Variants in NEDD4L observed in about 807,000 individuals in gnomAD.
The protein encoded by NEDD4L is NEDD4 like E3 ubiquitin protein ligase.
In NEDD4L, 54 loss-of-function variants were observed where a neutral mutation model predicts 148.9. The ratio of observed to expected loss-of-function variants is 0.36; its 90% CI spans 0.29 to 0.45. NEDD4L has a LOEUF of 0.45. Ranked by LOEUF, NEDD4L falls within the 20% of genes least tolerant of loss-of-function variation. The pLI is 1.00. For missense variants in NEDD4L, 856 were observed against 1,233.8 expected (o/e 0.69, Z 4.59); for synonymous variants, 433 against 440.7 (o/e 0.98, Z 0.22).
chr18:58,268,994 G>C (rs373512598), intron 5 of NEDD4L, among the ~76,000 whole-genome samples: 5 of 152,178 alleles, frequency 3.3e-5, no homozygotes, highest in African/African-American at 1.2e-4. Context: ...CCTCAGGCCT[G>C]AAAGTCTGGT....
intron 2 of NEDD4L, among the ~76,000 whole-genome samples, chr18:58,205,745 A>AC (rs1491588837): frequency 9.3e-4 from 142 of 152,110 alleles, no homozygotes; most frequent in African/African-American, 3.3e-3. Flanking sequence ...AAAAAAAAAA[A>AC]ACTCCCAAAC....
intron 5 of NEDD4L, among the ~76,000 whole-genome samples, chr18:58,291,475 G>A (rs915169427): frequency 3.9e-4 from 60 of 152,162 alleles, no homozygotes; most frequent in African/African-American, 1.3e-3. Flanking sequence ...TAGCACCATT[G>A]GTTCAGTTTT....
At position 58,391,551 on chromosome 18, in the gene NEDD4L, T is replaced by G. The variant is rs1260209089; in HGVS notation, c.2817T>G (p.Ala939=). Reference sequence around the variant, plus strand: ...GCAGTCCTGAGAAACTGCCCAGAGCTCACACATGGTGAGTGACAAAAACAC... The same window carrying G: ...GCAGTCCTGAGAAACTGCCCAGAGCGCACACATGGTGAGTGACAAAAACAC... ...QWGSPEKLPR[A]HTCFNRLDLP... is the part of the protein sequence containing the mutation. Residue 939 remains alanine, a synonymous_variant, in exon 30 of 31, where the codon GCT becomes GCG. Coordinates refer to ENST00000400345, the MANE Select transcript of NEDD4L (RefSeq NM_001144967.3). 7 of 1,569,878 alleles carry G rather than the reference T, an allele frequency of 4.5e-6. No individual in the cohort carries two copies. Among genetic ancestry groups the G allele is most frequent in the African/African-American group, 1.4e-5 (1 of 73,978 alleles).
At chr18:58,127,510 C>T (rs1306209048) in intron 1 of NEDD4L, among the ~76,000 whole-genome samples, 2 of 151,626 alleles carry the variant, frequency 1.3e-5, no homozygotes, top group African/African-American at 4.8e-5. Context: ...TTGGGACCAG[C>T]CTGGGCAACA....
intron 1 of NEDD4L, among the ~76,000 whole-genome samples, chr18:58,080,418 G>A (rs975210146): frequency 1.8e-4 from 28 of 152,180 alleles, no homozygotes; most frequent in African/African-American, 6.5e-4. Context: ...GGTTTGATAT[G>A]GGCAGTAAAG....
intron 24 of NEDD4L, 33 bp downstream of exon 24, chr18:58,373,302 A>C: frequency 7.8e-7 from 1 of 1,286,668 alleles, no homozygotes; most frequent in South Asian, 1.3e-5. Context: ...ACTCTTCTTT[A>C]GCTTTCAAGG....
At chr18:58,097,569 A>G (rs2145426487) in intron 1 of NEDD4L, among the ~76,000 whole-genome samples, 1 of 152,318 alleles carries the variant, frequency 6.6e-6, no homozygotes, top group South Asian at 2.1e-4. Flanking sequence ...CAGAGAGTAT[A>G]TCATGCCTTA....
At chr18:58,211,782 C>T (rs1272227919) in intron 2 of NEDD4L, among the ~76,000 whole-genome samples, 3 of 152,096 alleles carry the variant, frequency 2.0e-5, no homozygotes, top group Non-Finnish European at 4.4e-5. Flanking sequence ...GGTATTGATC[C>T]AGAATTACAT....
intron 4 of NEDD4L, among the ~76,000 whole-genome samples, chr18:58,250,949 GC>G (rs1443079284): frequency 6.6e-6 from 1 of 152,156 alleles, no homozygotes. Flanking sequence ...GGAAAAGGAA[GC>G]AAAAAGATAT....
At chr18:58,327,631 G>T (rs928019229) in intron 9 of NEDD4L, among the ~76,000 whole-genome samples, 2 of 152,210 alleles carry the variant, frequency 1.3e-5, no homozygotes, top group Non-Finnish European at 2.9e-5. Flanking sequence ...CTGCTAGCAG[G>T]CCCTTTATTG....
intron 5 of NEDD4L, among the ~76,000 whole-genome samples, chr18:58,280,095 A>C (rs1325038728): frequency 2.0e-5 from 3 of 151,842 alleles, no homozygotes; most frequent in Admixed American, 6.6e-5. Flanking sequence ...TGTTTTTGAG[A>C]TGGGGTCTCA....
intron 1 of NEDD4L, among the ~76,000 whole-genome samples, chr18:58,089,050 A>G (rs955163267): frequency 1.3e-5 from 2 of 151,924 alleles, no homozygotes; most frequent in African/African-American, 4.8e-5. Context: ...TTTGCTCCAT[A>G]ATGTGGAAGA....
chr18:58,051,082 C>A (rs553140610), intron 1 of NEDD4L, among the ~76,000 whole-genome samples: 70 of 152,210 alleles, frequency 4.6e-4, no homozygotes, highest in Non-Finnish European at 8.5e-4. Flanking sequence ...TGTGGTGAAA[C>A]CCCACCTCTA....
chr18:58,331,748 TAA>T, intron 11 of NEDD4L, among the ~76,000 whole-genome samples: 1 of 151,146 alleles, frequency 6.6e-6, no homozygotes, highest in Middle Eastern at 3.4e-3. Context: ...AATGGCATCC[TAA>T]AAAAAAATAG....
intron 1 of NEDD4L, among the ~76,000 whole-genome samples, chr18:58,151,260 A>G (rs2034697267): frequency 6.6e-6 from 1 of 152,222 alleles, no homozygotes; most frequent in South Asian, 2.1e-4. Flanking sequence ...CATGGGAAGA[A>G]ACTATTTGAG....
At chr18:58,143,996 G>A (rs2033836238) in intron 1 of NEDD4L, among the ~76,000 whole-genome samples, 1 of 151,974 alleles carries the variant, frequency 6.6e-6, no homozygotes, top group Non-Finnish European at 1.5e-5. Context: ...GGTTCAGTTA[G>A]TATTTTTGTT....
intron 22 of NEDD4L, among the ~76,000 whole-genome samples, chr18:58,369,432 G>C (rs970290682): frequency 1.4e-5 from 1 of 72,006 alleles, no homozygotes; most frequent in Admixed American, 1.2e-4. Flanking sequence ...CCCACAGATG[G>C]GAATGTCCCT....
intron 2 of NEDD4L, among the ~76,000 whole-genome samples, chr18:58,238,113 C>T (rs1197328274): frequency 6.6e-6 from 1 of 152,224 alleles, no homozygotes; most frequent in Non-Finnish European, 1.5e-5. Flanking sequence ...ACCCATTAAT[C>T]TCTTATTTTT....
At position 58,400,274 on chromosome 18, in the gene NEDD4L, A is replaced by G. The variant is rs2147184452; in HGVS notation, c.*4005A>G. 6.6e-6 allele frequency: 1 copy of G among 152,342 alleles called. No individual in the cohort carries two copies. Among genetic ancestry groups the G allele is most frequent in the South Asian group, 2.1e-4 (1 of 4,828 alleles). 9.4% of individuals were successfully genotyped at this position (152,342 alleles called of 1,614,324 possible). On this transcript the variant is annotated 3_prime_UTR_variant, in exon 31 of 31. Transcript: ENST00000400345. The stretch of plus-strand genomic sequence containing the variant: ...CATTCAGGCATTGGGGTACATCCTG[A>G]TAAGTCGTGTCAGAACTGCCAATTT...
Sources: gnomAD v4.1 joint callset for allele counts (sites outside exome capture counted in the v4.1 genomes callset) on GRCh38, gnomAD v4.1.1 for gene constraint, MANE v1.5 for transcripts, NCBI Gene and HGNC (gene_info 2026-07-23, HGNC 2026-07-21) for gene names.